Variants in LRFN5 observed in about 807,000 individuals in gnomAD.
The protein encoded by LRFN5 is leucine-rich repeat and fibronectin type-III domain-containing protein 5.
A neutral mutation model predicts 45.6 loss-of-function variants in LRFN5; 24 were observed. That is an observed-to-expected ratio of 0.53 (90% CI 0.38 to 0.74). LRFN5 has a LOEUF of 0.74. Among genes scored for constraint, LRFN5 ranks in the 30% least tolerant of loss-of-function variants. LRFN5 has a pLI of 0.00. For synonymous variants in LRFN5, 340 were observed against 313.8 expected, an observed-to-expected ratio of 1.08 and a Z score of -0.88; for missense variants, 776 against 861.5, an observed-to-expected ratio of 0.90 and a Z score of 1.24.
In LRFN5 at chr14:41,856,944, G is replaced by T. The variant is rs999514411; in HGVS notation, c.-20-29662G>T. 5.9e-5 allele frequency among the ~76,000 whole-genome samples: 9 copies of T among 151,330 alleles called. No homozygotes were observed. In the East Asian group the frequency reaches 1.8e-3, roughly 30 times the overall value. ...CTCCCAAAGTGCTGGGATTACAGGC[G>T]TGAGCCACCGCGTCCGGCCTCTTTC... On this transcript the variant is annotated intron_variant, in intron 2 of 5. Coordinates refer to ENST00000298119, the MANE Select transcript of LRFN5 (RefSeq NM_152447.5).
chr14:41,744,157 C>T (rs1884822392), intron 1 of LRFN5, among the ~76,000 whole-genome samples: 1 of 151,970 alleles, frequency 6.6e-6, no homozygotes, highest in Non-Finnish European at 1.5e-5. Flanking sequence ...AGTTTGAGAC[C>T]AACCAAGGCA....
chr14:41,853,759 A>C (rs956454946), intron 2 of LRFN5, among the ~76,000 whole-genome samples: 2 of 152,128 alleles, frequency 1.3e-5, no homozygotes, highest in Non-Finnish European at 1.5e-5. Flanking sequence ...TTTGAATAAG[A>C]ATATAGGTAA....
chr14:41,825,129 G>A (rs1004268932), intron 2 of LRFN5, among the ~76,000 whole-genome samples: 1 of 152,142 alleles, frequency 6.6e-6, no homozygotes, highest in Non-Finnish European at 1.5e-5. Flanking sequence ...GAACTCTGCC[G>A]CTCCATGTAG....
chr14:41,807,047 C>T (rs972549543), intron 2 of LRFN5, among the ~76,000 whole-genome samples: 1 of 152,058 alleles, frequency 6.6e-6, no homozygotes, highest in Admixed American at 6.6e-5. Flanking sequence ...GACTAACTTG[C>T]ATGGCTGTTG....
At chr14:41,690,477 C>T (rs1326542737) in intron 1 of LRFN5, among the ~76,000 whole-genome samples, 2 of 152,124 alleles carry the variant, frequency 1.3e-5, no homozygotes, top group Non-Finnish European at 2.9e-5. Flanking sequence ...CACTTGCGCC[C>T]TTGGGAGGTG....
intron 1 of LRFN5, among the ~76,000 whole-genome samples, chr14:41,763,940 T>G (rs1172324964): frequency 6.6e-6 from 1 of 152,190 alleles, no homozygotes; most frequent in African/African-American, 2.4e-5. Flanking sequence ...CTGAATTTTC[T>G]AAGACTATGC....
At chr14:41,621,523 A>G (rs994440447) in intron 1 of LRFN5, among the ~76,000 whole-genome samples, 1 of 152,136 alleles carries the variant, frequency 6.6e-6, no homozygotes, top group African/African-American at 2.4e-5. Context: ...CAGGTGAACA[A>G]TGTGTAAAAA....
intron 2 of LRFN5, among the ~76,000 whole-genome samples, chr14:41,818,638 G>T (rs548885014): frequency 1.2e-4 from 18 of 152,086 alleles, no homozygotes; most frequent in African/African-American, 4.3e-4. Flanking sequence ...GTTTGTTGTG[G>T]CTACTTCTCT....
intron 2 of LRFN5, among the ~76,000 whole-genome samples, chr14:41,782,527 T>C (rs978846657): frequency 6.6e-6 from 1 of 152,182 alleles, no homozygotes; most frequent in Non-Finnish European, 1.5e-5. Context: ...ATTTGAATCT[T>C]GTTGTGATGT....
intron 2 of LRFN5, among the ~76,000 whole-genome samples, chr14:41,846,888 A>G (rs1889088117): frequency 6.6e-6 from 1 of 152,110 alleles, no homozygotes; most frequent in Non-Finnish European, 1.5e-5. Flanking sequence ...TTCTTGGTCT[A>G]TGGCCCCTTC....
chr14:41,688,349 G>C (rs1882213088), intron 1 of LRFN5, among the ~76,000 whole-genome samples: 1 of 151,982 alleles, frequency 6.6e-6, no homozygotes. Flanking sequence ...AAGGAAAAAT[G>C]CTCGAGGTGC....
rs951200745 is a variant in LRFN5, at chr14:41,904,380, T to G, written c.*205T>G. ...GGTTCATCCTCTTTTAAAACCAAATTTTTTTTTCTTCTGGCCTACAAGTAT... is the reference window on the plus strand; with the variant it reads ...GGTTCATCCTCTTTTAAAACCAAATGTTTTTTTCTTCTGGCCTACAAGTAT... On this transcript the variant is annotated 3_prime_UTR_variant, in exon 6 of 6. Transcript: ENST00000298119. The G allele has an allele frequency of 2.0e-6, 1 of 502,440 alleles. No individual in the cohort carries two copies. Among genetic ancestry groups the G allele is most frequent in the African/African-American group, 2.0e-5 (1 of 50,378 alleles). The allele number at this position is 502,440 out of a possible 1,614,324, so 31.1% of individuals were successfully genotyped here.
At chr14:41,627,629 T>A (rs1189401782) in intron 1 of LRFN5, among the ~76,000 whole-genome samples, 1 of 152,182 alleles carries the variant, frequency 6.6e-6, no homozygotes, top group Non-Finnish European at 1.5e-5. Flanking sequence ...TATTTATGTT[T>A]GTTATCCAAA....
At chr14:41,673,082 C>T (rs1012847891) in intron 1 of LRFN5, among the ~76,000 whole-genome samples, 2 of 152,024 alleles carry the variant, frequency 1.3e-5, no homozygotes, top group Non-Finnish European at 2.9e-5. Flanking sequence ...TTTCTTAGTA[C>T]AGAACAAAAT....
At chr14:41,764,055 G>A (rs1885776402) in intron 1 of LRFN5, among the ~76,000 whole-genome samples, 1 of 152,030 alleles carries the variant, frequency 6.6e-6, no homozygotes, top group African/African-American at 2.4e-5. Context: ...GGTAACACTA[G>A]AAAATGTAGT....
At chr14:41,843,789 G>A (rs1888952875) in intron 2 of LRFN5, among the ~76,000 whole-genome samples, 2 of 151,964 alleles carry the variant, frequency 1.3e-5, no homozygotes, top group South Asian at 4.1e-4. Context: ...TCATGAGCAT[G>A]GATTTTACAA....
intron 2 of LRFN5, among the ~76,000 whole-genome samples, chr14:41,800,344 TTA>T (rs1179029791): frequency 1.3e-5 from 2 of 152,016 alleles, no homozygotes; most frequent in Non-Finnish European, 2.9e-5. Flanking sequence ...CAATGATATA[TTA>T]TTTTAGTTTA....
rs762030966 is a variant in LRFN5 at position 41,891,411 on chromosome 14, G to C, written c.1547G>C (p.Arg516Pro). 2.5e-6 allele frequency: 4 copies of C among 1,614,050 alleles called. No individual in the cohort carries two copies. In the South Asian group the frequency reaches 4.4e-5, roughly 18 times the overall value. Residue 516 changes from arginine to proline, a missense_variant, in exon 4 of 6, where the codon CGT becomes CCT. Coordinates refer to ENST00000298119, the MANE Select transcript of LRFN5 (RefSeq NM_152447.5). ...TTTACTACGGAACAGGATTATGTGC[G>C]TTGCCATTTCATGCAGTCTCAGTTT... ...IQFTTEQDYVRCHFMQSQFLG... is the reference protein window; with the variant it reads ...IQFTTEQDYVPCHFMQSQFLG...
intron 5 of LRFN5, among the ~76,000 whole-genome samples, chr14:41,900,897 G>C (rs1469960094): frequency 6.6e-6 from 1 of 152,116 alleles, no homozygotes; most frequent in Non-Finnish European, 1.5e-5. Context: ...CAGAGGTGGA[G>C]AGCGGGCAGA....
Sources: allele counts gnomAD v4.1 joint callset (sites outside exome capture counted in the v4.1 genomes callset), GRCh38; gene constraint gnomAD v4.1.1; transcripts MANE v1.5; gene names NCBI Gene and HGNC (gene_info 2026-07-23, HGNC 2026-07-21).